RBFOX1: variants seen among roughly 807,000 people sequenced by gnomAD.
The protein encoded by RBFOX1 is RNA binding protein fox-1 homolog 1.
A neutral mutation model predicts 57.7 loss-of-function variants in RBFOX1; 8 were observed. The ratio of observed to expected loss-of-function variants is 0.14; its 90% CI spans 0.08 to 0.25. The LOEUF is 0.25. Among genes scored for constraint, RBFOX1 ranks in the 10% least tolerant of loss-of-function variants. The pLI is 1.00. For synonymous variants in RBFOX1, 326 were observed against 222.4 expected (o/e 1.47, Z -4.15); for missense variants, 611 against 548.5 (o/e 1.11, Z -1.14).
chr16:7,221,573 G>A (rs769253532), intron 4 of RBFOX1, among the ~76,000 whole-genome samples: 1 of 152,036 alleles, frequency 6.6e-6, no homozygotes, highest in Non-Finnish European at 1.5e-5. Flanking sequence ...CACCATGTTG[G>A]CCAGGGTAGT....
intron 4 of RBFOX1, among the ~76,000 whole-genome samples, chr16:7,339,179 G>C (rs978290554): frequency 6.6e-6 from 1 of 152,140 alleles, no homozygotes; most frequent in Non-Finnish European, 1.5e-5. Flanking sequence ...TTTCTAGGCT[G>C]CAAAACAAAA....
intron 1 of RBFOX1, among the ~76,000 whole-genome samples, chr16:6,237,821 C>T (rs112917720): frequency 4.5e-4 from 69 of 151,798 alleles, no homozygotes; most frequent in African/African-American, 1.5e-3. Flanking sequence ...TGGCTGGATG[C>T]GTTGGCACAC....
At chr16:6,828,748 C>T (rs1310747349) in intron 3 of RBFOX1, among the ~76,000 whole-genome samples, 6 of 151,980 alleles carry the variant, frequency 3.9e-5, no homozygotes, top group African/African-American at 9.7e-5. Flanking sequence ...GAGCATATCA[C>T]GAGGTCCTAG....
At chr16:6,478,994 G>T (rs914503889) in intron 2 of RBFOX1, among the ~76,000 whole-genome samples, 5 of 152,218 alleles carry the variant, frequency 3.3e-5, no homozygotes, top group African/African-American at 1.2e-4. Context: ...CAATAGACTT[G>T]CTCAGCACAA....
chr16:6,193,376 ACAT>A (rs1246172875), intron 1 of RBFOX1, among the ~76,000 whole-genome samples: 32 of 80,734 alleles, frequency 4.0e-4, no homozygotes, highest in African/African-American at 1.2e-3. Flanking sequence ...ATATATATAT[ACAT>A]TATATATATA....
intron 3 of RBFOX1, 32 bp downstream of exon 3, chr16:6,654,682 A>C: frequency 2.0e-6 from 3 of 1,477,276 alleles, no homozygotes; most frequent in Non-Finnish European, 2.7e-6. Flanking sequence ...TTAGGGTTGC[A>C]AACAAAACAA....
At chr16:7,659,951 C>T (rs1311202202) in intron 12 of RBFOX1, among the ~76,000 whole-genome samples, 2 of 152,276 alleles carry the variant, frequency 1.3e-5, no homozygotes, top group East Asian at 1.9e-4. Context: ...ATTCTATACA[C>T]ATGCCAGCTA....
intron 1 of RBFOX1, among the ~76,000 whole-genome samples, chr16:6,075,005 G>A (rs902281970): frequency 6.6e-6 from 1 of 152,146 alleles, no homozygotes. Context: ...ATCTTTGTCA[G>A]TGCCCACCCT....
At position 6,705,699 on chromosome 16, in the gene RBFOX1, T is replaced by C. The variant is rs954234847; in HGVS notation, c.-16+51049T>C. 3.9e-5 allele frequency: 6 copies of C among 152,256 alleles called. No homozygotes were observed. In the East Asian group the frequency reaches 5.8e-4, roughly 15 times the overall value. 9.4% of individuals were successfully genotyped at this position (152,256 alleles called of 1,614,324 possible). A position where few individuals can be genotyped will look rare whatever the true frequency, so the allele number is the denominator to read the frequency against. Reference sequence around the variant, plus strand: ...AGCCACTGTGATAGAGTATGTCTTATAAATGAGAAATAAAGAGGGATAAAA... The same window carrying C: ...AGCCACTGTGATAGAGTATGTCTTACAAATGAGAAATAAAGAGGGATAAAA... On this transcript the variant is annotated intron_variant, in intron 3 of 15. Transcript: ENST00000550418.
intron 3 of RBFOX1, among the ~76,000 whole-genome samples, chr16:6,923,254 C>A (rs561990558): frequency 6.6e-6 from 1 of 152,264 alleles, no homozygotes; most frequent in East Asian, 1.9e-4. Flanking sequence ...GGTATCCTGG[C>A]CAGGTGTGGT....
chr16:7,076,510 C>A (rs559726069), intron 4 of RBFOX1, among the ~76,000 whole-genome samples: 17 of 152,172 alleles, frequency 1.1e-4, no homozygotes, highest in Admixed American at 2.0e-4. Flanking sequence ...GCCTAATATA[C>A]AAAAAATAAT....
chr16:5,920,193 C>G (rs555370494), intron 4 of RBFOX1, among the ~76,000 whole-genome samples: 1 of 152,214 alleles, frequency 6.6e-6, no homozygotes, highest in East Asian at 1.9e-4. Context: ...CTTGGCCTCC[C>G]AAAGTGCTGG....
rs982126043 is a variant in RBFOX1 at position 6,692,905 on chromosome 16, T to C, written c.-16+38255T>C. Among the ~76,000 whole-genome samples, 3 of 151,450 alleles carry C rather than the reference T, an allele frequency of 2.0e-5. 1 individual carries two copies. Among genetic ancestry groups the C allele is most frequent in the Admixed American group, 1.3e-4 (2 of 15,192 alleles). ...ACTATCACCACCATCATTATCAGCA[T>C]CATCTTCATAGTACTACCATCACCA... is the stretch of plus-strand genomic sequence containing the variant. On this transcript the variant is annotated intron_variant, in intron 3 of 15. Transcript: ENST00000550418.
intron 1 of RBFOX1, among the ~76,000 whole-genome samples, chr16:5,421,602 AAATC>A (rs2067328867): frequency 6.6e-6 from 1 of 152,144 alleles, no homozygotes; most frequent in African/African-American, 2.4e-5. Context: ...CCCAAGAAGA[AAATC>A]AATCACCCCC....
intron 2 of RBFOX1, among the ~76,000 whole-genome samples, chr16:6,551,196 G>A (rs1599596305): frequency 1.3e-5 from 2 of 152,166 alleles, no homozygotes; most frequent in African/African-American, 4.8e-5. Flanking sequence ...AGGATAAGCA[G>A]CTTCTCACTA....
intron 3 of RBFOX1, among the ~76,000 whole-genome samples, chr16:6,885,336 G>T (rs1397036811): frequency 1.3e-5 from 2 of 152,106 alleles, no homozygotes; most frequent in Admixed American, 1.3e-4. Flanking sequence ...CTAGGGTTTG[G>T]GTGTCTCTGA....
intron 2 of RBFOX1, among the ~76,000 whole-genome samples, chr16:6,506,486 C>G (rs974423534): frequency 1.3e-5 from 2 of 151,962 alleles, no homozygotes; most frequent in African/African-American, 4.8e-5. Flanking sequence ...TGAACCAAGA[C>G]TCTATTAAAA....
At chr16:5,489,142 C>T (rs900192706) in intron 2 of RBFOX1, among the ~76,000 whole-genome samples, 6 of 152,194 alleles carry the variant, frequency 3.9e-5, no homozygotes, top group Non-Finnish European at 7.4e-5. Flanking sequence ...TCTCTGTGGG[C>T]AGCAGAGGGA....
At position 7,713,165 on chromosome 16, in the gene RBFOX1, T is replaced by C. The variant is rs895430626; in HGVS notation, c.*2420T>C. The C allele has an allele frequency of 6.6e-6, 1 of 152,190 alleles. No homozygotes were observed. The highest frequency in any genetic ancestry group is 2.1e-4 in the South Asian group (1 of 4,828). The allele number at this position is 152,190 out of a possible 1,614,324, so 9.4% of individuals were successfully genotyped here. On this transcript the variant is annotated 3_prime_UTR_variant, in exon 16 of 16. Transcript: ENST00000550418. The stretch of plus-strand genomic sequence containing the variant: ...TATTGCTATTATGAATTATGGAAAA[T>C]TAATATTATGTGTGGCATATAGTGA...
Sources: gnomAD v4.1 joint callset for allele counts (sites outside exome capture counted in the v4.1 genomes callset) on GRCh38, gnomAD v4.1.1 for gene constraint, MANE v1.5 for transcripts, NCBI Gene and HGNC (gene_info 2026-07-23, HGNC 2026-07-21) for gene names.